KLRF1: variants seen among roughly 807,000 people sequenced by gnomAD.
KLRF1 encodes the protein killer cell lectin like receptor F1, also known as killer cell lectin-like receptor subfamily F member 1.
A neutral mutation model predicts 30.7 loss-of-function variants in KLRF1; 27 were observed. The observed-to-expected ratio is 0.88, with a 90% CI of 0.65 to 1.21. KLRF1 has a LOEUF of 1.21. Among genes scored for constraint, KLRF1 ranks in the 50% most tolerant of loss-of-function variants. The pLI, the probability that KLRF1 is intolerant of heterozygous loss-of-function variation, is 0.00. For synonymous variants in KLRF1, 92 were observed against 89.3 expected, an observed-to-expected ratio of 1.03 and a Z score of -0.17; for missense variants, 246 against 259.3, an observed-to-expected ratio of 0.95 and a Z score of 0.35.
At chr12:9,810,750 G>A in the KLRF1 span, among the ~76,000 whole-genome samples, 1 of 152,298 alleles carries the variant, frequency 6.6e-6, no homozygotes, top group South Asian at 2.1e-4. Context: ...CACATTAAGA[G>A]TTTATGAGTG....
upstream of KLRF1, among the ~76,000 whole-genome samples, chr12:9,825,610 T>G (rs115699787): frequency 0.011 from 1,713 of 152,190 alleles, 33 homozygotes; most frequent in African/African-American, 0.039. Context: ...GGGCAAATAT[T>G]TCATGACAAA....
At chr12:9,810,043 C>T in the KLRF1 span, among the ~76,000 whole-genome samples, 1 of 152,114 alleles carries the variant, frequency 6.6e-6, no homozygotes, top group Admixed American at 6.5e-5. Flanking sequence ...ATCACTGAAA[C>T]TCAGAGTTGT....
Position 9,830,608 on chromosome 12 carries a change from T to C in KLRF1, c.86-1708T>C, listed in dbSNP as rs1276993472. Among the ~76,000 whole-genome samples the C allele has an allele frequency of 1.4e-4, 22 of 151,996 alleles. 1 individual carries two copies. The highest frequency in any genetic ancestry group is 1.4e-3 in the Admixed American group (22 of 15,258). ...TTTTTAACATAAAGATATAAGATTT[T>C]ATCAATTTCATTTTTTACATCTATT... is the stretch of plus-strand genomic sequence containing the variant. On this transcript the variant is annotated intron_variant, in intron 1 of 5. Coordinates refer to ENST00000617889, the MANE Select transcript of KLRF1 (RefSeq NM_016523.3).
intron 4 of KLRF1, 67 bp from the exon 5 acceptor site, chr12:9,842,254 T>G: frequency 1.3e-6 from 2 of 1,572,504 alleles, no homozygotes; most frequent in East Asian, 4.5e-5. Flanking sequence ...GCAATAACAT[T>G]TAAAATATTC....
chr12:9,807,070 A>T, the KLRF1 span, among the ~76,000 whole-genome samples: 2 of 152,064 alleles, frequency 1.3e-5, no homozygotes, highest in African/African-American at 4.8e-5. Context: ...AGATTTTTTT[A>T]GTACACTTTT....
chr12:9,808,724 C>G, the KLRF1 span, among the ~76,000 whole-genome samples: 34 of 152,146 alleles, frequency 2.2e-4, no homozygotes, highest in African/African-American at 8.2e-4. Context: ...TTAGCTAAGT[C>G]TTAGTAAATA....
chr12:9,831,265 T>G (rs1426900643), intron 1 of KLRF1, among the ~76,000 whole-genome samples: 1 of 152,168 alleles, frequency 6.6e-6, no homozygotes, highest in East Asian at 1.9e-4. Flanking sequence ...GAGTATTCAT[T>G]AAATGAATTC....
chr12:9,821,120 C>G, the KLRF1 span, among the ~76,000 whole-genome samples: 1 of 152,176 alleles, frequency 6.6e-6, no homozygotes, highest in East Asian at 1.9e-4. Flanking sequence ...GGGCTACACT[C>G]AAGCTTACAG....
intron 3 of KLRF1, among the ~76,000 whole-genome samples, chr12:9,837,945 C>A (rs1336901183): frequency 6.6e-6 from 1 of 152,194 alleles, no homozygotes; most frequent in African/African-American, 2.4e-5. Flanking sequence ...CACCTACAGC[C>A]AGGCCCCTGC....
chr12:9,817,077 T>G, the KLRF1 span, among the ~76,000 whole-genome samples: 1 of 152,164 alleles, frequency 6.6e-6, no homozygotes, highest in Non-Finnish European at 1.5e-5. Context: ...TGAAAACTAT[T>G]GAGCTGAAGT....
At chr12:9,832,831 A>C (rs1482613966) in intron 2 of KLRF1, among the ~76,000 whole-genome samples, 1 of 152,154 alleles carries the variant, frequency 6.6e-6, no homozygotes, top group Non-Finnish European at 1.5e-5. Flanking sequence ...TTGTCCAGCA[A>C]ATATTCACCG....
At chr12:9,836,219 A>G (rs1176362792) in intron 3 of KLRF1, among the ~76,000 whole-genome samples, 1 of 152,086 alleles carries the variant, frequency 6.6e-6, no homozygotes, top group Non-Finnish European at 1.5e-5. Context: ...TCCTTACCCT[A>G]CTTTTTGCAA....
chr12:9,833,396 C>A lies in KLRF1; in HGVS notation c.278C>A (p.Thr93Lys). The A allele has an allele frequency of 6.2e-7, 1 of 1,612,164 alleles. No individual in the cohort carries two copies. The highest frequency in any genetic ancestry group is 8.5e-7 in the Non-Finnish European group (1 of 1,178,996). The change falls in exon 3 of 6, where the codon ACA becomes AAA. Residue 93 changes from threonine to lysine, a missense_variant. Thr to Lys is a moderately conservative substitution (Grantham distance 78). Coordinates refer to ENST00000617889, the MANE Select transcript of KLRF1 (RefSeq NM_016523.3). ...DTGDLKVNNGTRRNISNKDLC... is the reference protein window; with the variant it reads ...DTGDLKVNNGKRRNISNKDLC... The stretch of plus-strand genomic sequence containing the variant: ...GGAGATCTAAAAGTGAATAATGGCA[C>A]AAGAAGAAATATAAGTAATAAGGAC...
chr12:9,841,782 T>C (rs886322577), intron 3 of KLRF1, 30 bp from the exon 4 acceptor site: 7 of 1,563,188 alleles, frequency 4.5e-6, no homozygotes, highest in East Asian at 4.6e-5. Context: ...TGTAATTTAA[T>C]TTCATTTTGT....
the KLRF1 span, among the ~76,000 whole-genome samples, chr12:9,821,794 C>A: frequency 6.6e-6 from 1 of 152,224 alleles, no homozygotes; most frequent in African/African-American, 2.4e-5. Context: ...ATGGCTGCAA[C>A]TGTGAAGAAA....
the KLRF1 span, among the ~76,000 whole-genome samples, chr12:9,809,118 C>G: frequency 6.6e-6 from 1 of 151,910 alleles, no homozygotes. Flanking sequence ...GAGAGTTTAG[C>G]GAGATGAATT....
chr12:9,811,478 G>C, the KLRF1 span, among the ~76,000 whole-genome samples: 1 of 152,148 alleles, frequency 6.6e-6, no homozygotes, highest in Non-Finnish European at 1.5e-5. Context: ...AGAGATACTA[G>C]AGAGGGAAGA....
intron 3 of KLRF1, among the ~76,000 whole-genome samples, chr12:9,834,234 T>TTTTC (rs1415932298): frequency 6.6e-6 from 1 of 152,078 alleles, no homozygotes; most frequent in African/African-American, 2.4e-5. Flanking sequence ...GAACAAGCCA[T>TTTTC]TTTCACTTCT....
intron 1 of KLRF1, among the ~76,000 whole-genome samples, chr12:9,829,852 T>C (rs778427021): frequency 3.3e-5 from 5 of 152,214 alleles, no homozygotes; most frequent in Admixed American, 2.0e-4. Flanking sequence ...ATTTACCATT[T>C]TGTATTTCTA....
Sources: gnomAD v4.1 joint callset for allele counts (sites outside exome capture counted in the v4.1 genomes callset) on GRCh38, gnomAD v4.1.1 for gene constraint, MANE v1.5 for transcripts, NCBI Gene and HGNC (gene_info 2026-07-23, HGNC 2026-07-21) for gene names.